ZNF282: variants seen among roughly 807,000 people sequenced by gnomAD.
ZNF282 encodes zinc finger protein 282.
ZNF282 carries 30 observed loss-of-function variants against 61.9 expected under a neutral mutation model. That is an observed-to-expected ratio of 0.48 (90% confidence interval 0.36 to 0.66). ZNF282 has a LOEUF of 0.66. Among genes scored for constraint, ZNF282 ranks in the 30% least tolerant of loss-of-function variants. The probability of loss-of-function intolerance (pLI) is 0.00; values close to 1 mark genes in which losing one functional copy is unlikely to be tolerated. For synonymous variants in ZNF282, 396 were observed against 405.0 expected (o/e 0.98, Z 0.27); for missense variants, 788 against 941.4 (o/e 0.84, Z 2.13).
intron 7 of ZNF282, among the ~76,000 whole-genome samples, chr7:149,217,979 G>A (rs1376321917): frequency 2.6e-5 from 4 of 151,814 alleles, no homozygotes; most frequent in Non-Finnish European, 5.9e-5. Flanking sequence ...GTCATGGCGG[G>A]CACCTGTAAT....
rs1285062992 is a variant in ZNF282 at position 149,195,761 on chromosome 7, G to C, written c.165+7G>C. The stretch of plus-strand genomic sequence containing the variant: ...GGGAATGCCGCCCATGCAGGTGGGA[G>C]AACCCCGCCGGCGCCATGGCCGCGC... On this transcript the variant is annotated splice_region_variant and intron_variant, in intron 1 of 7. Coordinates refer to ENST00000610704, the MANE Select transcript of ZNF282 (RefSeq NM_003575.4). 1.3e-6 allele frequency: 2 copies of C among 1,495,376 alleles called. No individual in the cohort carries two copies. The highest frequency in any genetic ancestry group is 1.8e-6 in the Non-Finnish European group (2 of 1,125,242). The allele number at this position is 1,495,376 out of a possible 1,614,324, so 92.6% of individuals were successfully genotyped here.
At position 149,198,218 on chromosome 7, in the gene ZNF282, C is replaced by T. The variant is rs1405759008; in HGVS notation, c.166-115C>T. 8.6e-6 allele frequency: 11 copies of T among 1,285,600 alleles called. No individual in the cohort carries two copies. The highest frequency in any genetic ancestry group is 2.5e-5 in the Admixed American group (1 of 39,970). 79.6% of individuals were successfully genotyped at this position (1,285,600 alleles called of 1,614,324 possible). A position where few individuals can be genotyped will look rare whatever the true frequency, so the allele number is the denominator to read the frequency against. Reference sequence around the variant, plus strand: ...TTAGTGTATCCTGAGTTACGGGGGCCTGGCAGAAGAAAGACGACATGTAGC... The same window carrying T: ...TTAGTGTATCCTGAGTTACGGGGGCTTGGCAGAAGAAAGACGACATGTAGC... On this transcript the variant is annotated intron_variant, in intron 1 of 7. Transcript: ENST00000610704. This position sits in a 1 kb window ranked among gnomAD's most constrained non-coding sequence, Gnocchi z 4.3.
rs190208939 is a variant in ZNF282 at position 149,198,413 on chromosome 7, C to T, written c.246C>T (p.Pro82=). The change falls in exon 2 of 8, where the codon CCC becomes CCT. Residue 82 remains proline (P), a synonymous_variant. Transcript: ENST00000610704. The surrounding 1 kb of genome is among the most constrained non-coding windows in gnomAD (Gnocchi z 4.3). The part of the protein sequence containing the change: ...PPFPDRAPVF[P]DRMMREPQLP... ...TTCCAGATAGGGCACCTGTCTTCCC[C>T]GACCGCATGATGCGAGAGCCCCAGT... 11 of 1,614,164 alleles carry T rather than the reference C, an allele frequency of 6.8e-6. No individual in the cohort carries two copies. The highest frequency in any genetic ancestry group is 2.7e-5 in the African/African-American group (2 of 75,026).
At chr7:149,217,381 AC>A (rs1238086662) in intron 7 of ZNF282, among the ~76,000 whole-genome samples, 5 of 152,162 alleles carry the variant, frequency 3.3e-5, no homozygotes, top group African/African-American at 1.2e-4. Context: ...TACTAAAAAT[AC>A]AAAAAACAAA....
At position 149,207,413 on chromosome 7, in the gene ZNF282, T is replaced by C; in HGVS notation, c.775T>C (p.Cys259Arg). The part of the protein sequence containing the change: ...PVQAEPREEP[C>R]VWEQRHPEER... ...CCAGGCTGAGCCCAGGGAAGAACCT[T>C]GTGTGTGGGAGCAGCGCCACCCCGA... Residue 259 changes from cysteine (C) to arginine (R), a missense_variant, in exon 4 of 8, where the codon TGT (cysteine) becomes CGT (arginine). By Grantham distance (180) the Cys-to-Arg change is radical. Around this residue, in one of 3 missense-constraint regions of ZNF282, gnomAD observed 559 missense variants for 642.0 expected, o/e 0.87. Transcript: ENST00000610704. The C allele has an allele frequency of 6.3e-7, 1 of 1,575,432 alleles. No homozygotes were observed. The highest frequency in any genetic ancestry group is 8.6e-7 in the Non-Finnish European group (1 of 1,159,008).
chr7:149,199,674 C>T (rs1795878989), intron 2 of ZNF282, among the ~76,000 whole-genome samples: 1 of 152,076 alleles, frequency 6.6e-6, no homozygotes, highest in Admixed American at 6.6e-5. Flanking sequence ...TTCCCCTTCT[C>T]TTTATTATAG....
At chr7:149,222,754 TCTC>T (rs1796275851) in intron 7 of ZNF282, among the ~76,000 whole-genome samples, 1 of 152,228 alleles carries the variant, frequency 6.6e-6, no homozygotes, top group African/African-American at 2.4e-5. Flanking sequence ...TTCAAGTGAT[TCTC>T]CTGCCTCAGC....
intron 4 of ZNF282, among the ~76,000 whole-genome samples, chr7:149,210,261 A>G (rs1160538907): frequency 6.6e-6 from 1 of 152,034 alleles, no homozygotes. Context: ...CCAGTTACAC[A>G]GCTCTAGGTT....
chr7:149,217,560 T>C (rs1796178229), intron 7 of ZNF282, among the ~76,000 whole-genome samples: 1 of 151,294 alleles, frequency 6.6e-6, no homozygotes, highest in Non-Finnish European at 1.5e-5. Context: ...TAAGGCTCTG[T>C]CTCAAAAAAA....
rs530354138 is a variant in ZNF282, at chr7:149,199,219, T to C, written c.585+467T>C. ...CCTTCTTAAAGTTCAGAATGCACAC[T>C]CCGTATCTTACTCCGTTCCCTCTCC... On this transcript the variant is annotated intron_variant, in intron 2 of 7. Coordinates refer to ENST00000610704, the MANE Select transcript of ZNF282 (RefSeq NM_003575.4). Among the ~76,000 whole-genome samples the C allele has an allele frequency of 3.9e-5, 6 of 152,282 alleles. No homozygotes were observed. The East Asian group carries it at 1.2e-3, about 29-fold the overall frequency.
intron 2 of ZNF282, among the ~76,000 whole-genome samples, chr7:149,203,888 T>G (rs1795951638): frequency 6.6e-6 from 1 of 152,232 alleles, no homozygotes; most frequent in Non-Finnish European, 1.5e-5. Flanking sequence ...GATTATTGTG[T>G]TAGTTACCTA....
intron 7 of ZNF282, among the ~76,000 whole-genome samples, chr7:149,219,939 A>G (rs1343636297): frequency 1.3e-5 from 2 of 152,194 alleles, no homozygotes; most frequent in South Asian, 4.1e-4. Flanking sequence ...GGTAAGGGCA[A>G]GTGCAGTGAC....
chr7:149,203,392 G>T (rs1043769486), intron 2 of ZNF282, among the ~76,000 whole-genome samples: 3 of 152,146 alleles, frequency 2.0e-5, no homozygotes, highest in African/African-American at 7.2e-5. Context: ...TTGTCATCCA[G>T]GCTGGAGTAC....
intron 5 of ZNF282, 152 bp downstream of exon 5, chr7:149,210,856 G>A: frequency 8.4e-7 from 1 of 1,186,986 alleles, no homozygotes; most frequent in Admixed American, 3.3e-5. Flanking sequence ...GCTGGGCTGA[G>A]CCAGGATTCC....
At chr7:149,215,145 A>C (rs997599811) in intron 7 of ZNF282, among the ~76,000 whole-genome samples, 1 of 151,950 alleles carries the variant, frequency 6.6e-6, no homozygotes, top group Non-Finnish European at 1.5e-5. Context: ...TGGCTGGTCA[A>C]AGGCTTAACA....
In ZNF282 at chr7:149,224,582, G is replaced by A. The variant is rs865896798; in HGVS notation, c.1951G>A (p.Val651Met). Residue 651 changes from valine (V) to methionine (M), a missense_variant, in exon 8 of 8, where the codon GTG becomes ATG. By Grantham distance (21) the Val-to-Met change is conservative. This residue lies in a region of ZNF282 where 559 missense variants were observed against 642.0 expected (regional missense o/e 0.87). Transcript: ENST00000610704. ...GGAGTCGCTCAAGGACCACCTGCGC[G>A]TGCACAGCGGCGGCCCGGGCCCCGG... The part of the protein sequence containing the change: ...YKESLKDHLR[V>M]HSGGPGPGAP... The A allele has an allele frequency of 2.5e-6, 4 of 1,589,696 alleles. No individual in the cohort carries two copies. Among genetic ancestry groups the A allele is most frequent in the Non-Finnish European group, 3.4e-6 (4 of 1,171,828 alleles).
At position 149,224,260 on chromosome 7, in the gene ZNF282, G is replaced by C. The variant is rs201209346; in HGVS notation, c.1629G>C (p.Glu543Asp). 1.2e-6 allele frequency: 2 copies of C among 1,612,528 alleles called. No homozygotes were observed. Among genetic ancestry groups the C allele is most frequent in the African/African-American group, 2.7e-5 (2 of 74,920 alleles). The stretch of plus-strand genomic sequence containing the variant: ...TCCACCACCGCAGCCACACCAAGGA[G>C]CGGCCCTACGAGTGCGCTGAGTGCG... ...LIIHHRSHTKERPYECAECEK... is the reference protein window; with the variant it reads ...LIIHHRSHTKDRPYECAECEK... The change falls in exon 8 of 8, where the codon GAG becomes GAC. Residue 543 changes from glutamate (E) to aspartate (D), a missense_variant. Glu to Asp is a conservative substitution (Grantham distance 45, BLOSUM62 2). This residue lies in a region of ZNF282 where 559 missense variants were observed against 642.0 expected (regional missense o/e 0.87). Coordinates refer to ENST00000610704, the MANE Select transcript of ZNF282 (RefSeq NM_003575.4).
chr7:149,224,582 G>T lies in ZNF282; in HGVS notation c.1951G>T (p.Val651Leu). 6.3e-7 allele frequency: 1 copy of T among 1,589,696 alleles called. No homozygotes were observed. The highest frequency in any genetic ancestry group is 8.5e-7 in the Non-Finnish European group (1 of 1,171,828). The change falls in exon 8 of 8, where the codon GTG becomes TTG. Residue 651 changes from valine to leucine, a missense_variant. Coordinates refer to ENST00000610704, the MANE Select transcript of ZNF282 (RefSeq NM_003575.4). ...GGAGTCGCTCAAGGACCACCTGCGC[G>T]TGCACAGCGGCGGCCCGGGCCCCGG... ...YKESLKDHLR[V>L]HSGGPGPGAP...
rs569116587 is a variant in ZNF282 at position 149,224,341 on chromosome 7, C to T, written c.1710C>T (p.Gly570=). 2.7e-5 allele frequency: 44 copies of T among 1,613,720 alleles called. 2 individuals are homozygous for T. In the East Asian group the frequency reaches 4.9e-4, roughly 18 times the overall value. ...TCCGCCACCAGATGACGCACCGCGG[C>T]GAGCGGCCCTACAAGTGCTCGGAGT... is the stretch of plus-strand genomic sequence containing the variant. ...GLIRHQMTHR[G]ERPYKCSECE... is the part of the protein sequence containing the mutation. The change falls in exon 8 of 8, where the codon GGC becomes GGT. Residue 570 remains glycine (G), a synonymous_variant. Transcript: ENST00000610704.
Sources: gnomAD v4.1 joint callset for allele counts (sites outside exome capture counted in the v4.1 genomes callset) on GRCh38, gnomAD v4.1.1 for gene constraint, gnomAD v4.1.1 regional missense constraint, Gnocchi (gnomAD v3.1) non-coding constraint, MANE v1.5 for transcripts, NCBI Gene and HGNC (gene_info 2026-07-23, HGNC 2026-07-21) for gene names.